The following GPC5 variants were observed in gnomAD, a reference collection of about 807,000 sequenced individuals.
The protein encoded by GPC5 is glypican-5.
GPC5 carries 47 observed loss-of-function variants against 53.9 expected under a neutral mutation model. The observed-to-expected ratio is 0.87, with a 90% confidence interval of 0.69 to 1.11. GPC5 has a LOEUF of 1.11. Ranked by LOEUF, GPC5 falls within the 50% of genes most tolerant of loss-of-function variation. GPC5 has a pLI of 0.00. For synonymous variants in GPC5, 286 were observed against 263.3 expected, an observed-to-expected ratio of 1.09 and a Z score of -0.84; for missense variants, 748 against 713.1, an observed-to-expected ratio of 1.05 and a Z score of -0.56.
chr13:92,788,140 A>G (rs1876327893), intron 7 of GPC5, among the ~76,000 whole-genome samples: 1 of 152,100 alleles, frequency 6.6e-6, no homozygotes, highest in Non-Finnish European at 1.5e-5. Flanking sequence ...TCAAAATGAG[A>G]TTTAGGAAGA....
chr13:91,689,202 TATATATATATATATATATATATATA>T lies in GPC5; in HGVS notation c.326-3984_326-3960del, dbSNP rs1566611269. On this transcript the variant is annotated intron_variant, in intron 2 of 7. Coordinates refer to ENST00000377067, the MANE Select transcript of GPC5 (RefSeq NM_004466.6). Reference sequence around the variant, plus strand: ...ATATATAAATATATATATATATATATATATATATATATATATATATATATATATACACATATAAAATTATGGTATA... The same window carrying T: ...ATATATAAATATATATATATATATATTATACACATATAAAATTATGGTATA... Among the ~76,000 whole-genome samples, 67 of 110,010 alleles carry T rather than the reference TATATATATATATATATATATATATA, an allele frequency of 6.1e-4. 2 individuals carry two copies. The highest frequency in any genetic ancestry group is 2.5e-3 in the African/African-American group (61 of 24,562). The allele number at this position is 110,010 out of a possible 152,430, so 72.2% of individuals were successfully genotyped here. A position where few individuals can be genotyped will look rare whatever the true frequency, so the allele number is the denominator to read the frequency against.
At chr13:92,026,458 T>G (rs1308527439) in intron 6 of GPC5, among the ~76,000 whole-genome samples, 3 of 151,320 alleles carry the variant, frequency 2.0e-5, no homozygotes, top group South Asian at 2.1e-4. Flanking sequence ...TTTTTCTTTT[T>G]TTTTTTTGTA....
At chr13:92,756,841 C>CA (rs1874901919) in intron 7 of GPC5, among the ~76,000 whole-genome samples, 1 of 150,130 alleles carries the variant, frequency 6.7e-6, no homozygotes, top group African/African-American at 2.4e-5. Flanking sequence ...AGGATACAAA[C>CA]AAATGGAAGA....
intron 5 of GPC5, among the ~76,000 whole-genome samples, chr13:91,898,016 A>AG (rs2039461309): frequency 6.6e-6 from 1 of 152,184 alleles, no homozygotes; most frequent in African/African-American, 2.4e-5. Context: ...AACAATTCAG[A>AG]GAGATATTAA....
intron 5 of GPC5, among the ~76,000 whole-genome samples, chr13:91,875,379 A>C (rs2039190758): frequency 6.6e-6 from 1 of 152,182 alleles, no homozygotes; most frequent in South Asian, 2.1e-4. Flanking sequence ...GGAACACTAG[A>C]TTGAGGTACG....
chr13:91,827,240 A>G (rs1238087530), intron 5 of GPC5, among the ~76,000 whole-genome samples: 1 of 151,956 alleles, frequency 6.6e-6, no homozygotes, highest in South Asian at 2.1e-4. Flanking sequence ...AAAAATGTAT[A>G]AAACCTATAA....
intron 6 of GPC5, among the ~76,000 whole-genome samples, chr13:92,117,989 A>G (rs750323681): frequency 9.9e-5 from 15 of 152,222 alleles, no homozygotes; most frequent in Middle Eastern, 3.2e-3. Flanking sequence ...AAAGTTGAAT[A>G]TAAGTGGTAG....
At chr13:91,402,906 T>C (rs1054503096) in intron 1 of GPC5, among the ~76,000 whole-genome samples, 7 of 152,228 alleles carry the variant, frequency 4.6e-5, no homozygotes, top group African/African-American at 1.7e-4. Flanking sequence ...TTTTGTGAAC[T>C]AATAAACCTC....
intron 7 of GPC5, among the ~76,000 whole-genome samples, chr13:92,375,103 C>T (rs2043683489): frequency 6.6e-6 from 1 of 152,130 alleles, no homozygotes; most frequent in African/African-American, 2.4e-5. Context: ...ATTTTACTTA[C>T]AAGATCAAAG....
intron 7 of GPC5, among the ~76,000 whole-genome samples, chr13:92,857,806 A>G (rs10161897): frequency 0.045 from 6,866 of 152,244 alleles, 486 homozygotes; most frequent in African/African-American, 0.16. Flanking sequence ...CTATTATTAA[A>G]AAGTCAAAAA....
chr13:91,582,938 T>C (rs974488818), intron 2 of GPC5, among the ~76,000 whole-genome samples: 1 of 151,710 alleles, frequency 6.6e-6, no homozygotes, highest in Admixed American at 6.6e-5. Flanking sequence ...GAGATGGAGG[T>C]TGTAGTGAGC....
At chr13:91,772,501 G>T (rs2183865) in intron 5 of GPC5, among the ~76,000 whole-genome samples, 54,436 of 151,910 alleles carry the variant, frequency 0.36, 11,427 homozygotes, top group East Asian at 0.65. Flanking sequence ...TTTGCCATAT[G>T]TGGTTTTGAT....
At chr13:91,642,987 G>A (rs563897593) in intron 2 of GPC5, among the ~76,000 whole-genome samples, 19 of 152,218 alleles carry the variant, frequency 1.2e-4, no homozygotes, top group Admixed American at 9.8e-4. Flanking sequence ...ACATAAGTAC[G>A]TTGAGTCCTT....
chr13:91,553,394 T>G (rs369789964), intron 2 of GPC5, among the ~76,000 whole-genome samples: 1 of 143,938 alleles, frequency 6.9e-6, no homozygotes, highest in African/African-American at 2.6e-5. Context: ...AAATTTATAC[T>G]CCTTCTCCTT....
chr13:91,616,127 T>C (rs1379138221), intron 2 of GPC5, among the ~76,000 whole-genome samples: 1 of 152,144 alleles, frequency 6.6e-6, no homozygotes, highest in Non-Finnish European at 1.5e-5. Flanking sequence ...TAAGGGGGCT[T>C]ATATTGCCTA....
chr13:91,855,598 C>T (rs1346623327), intron 5 of GPC5, among the ~76,000 whole-genome samples: 1 of 151,582 alleles, frequency 6.6e-6, no homozygotes, highest in Non-Finnish European at 1.5e-5. Context: ...AGAATCAAAT[C>T]CTTGATTCAT....
At chr13:91,990,621 C>T (rs1044984574) in intron 6 of GPC5, among the ~76,000 whole-genome samples, 4 of 152,076 alleles carry the variant, frequency 2.6e-5, no homozygotes, top group African/African-American at 9.7e-5. Flanking sequence ...TTATTTTATA[C>T]TGAGTTTTAG....
chr13:92,536,028 C>A (rs979261526), intron 7 of GPC5, among the ~76,000 whole-genome samples: 2 of 152,010 alleles, frequency 1.3e-5, no homozygotes, highest in Non-Finnish European at 2.9e-5. Flanking sequence ...TTTCATGTAA[C>A]ATTAGCTTAC....
intron 7 of GPC5, chr13:92,446,887 G>A (rs1877850653): frequency 6.6e-6 from 1 of 151,532 alleles, no homozygotes. Context: ...GATCGGTGAT[G>A]TTGAGTATCT....
Sources: allele counts gnomAD v4.1 joint callset (sites outside exome capture counted in the v4.1 genomes callset), GRCh38; gene constraint gnomAD v4.1.1; transcripts MANE v1.5; gene names NCBI Gene and HGNC (gene_info 2026-07-23, HGNC 2026-07-21).